KIAA1671: variants seen among roughly 807,000 people sequenced by gnomAD.
The protein encoded by KIAA1671 is KIAA1671, also known as uncharacterized protein KIAA1671.
In KIAA1671, 52 loss-of-function variants were observed where a neutral mutation model predicts 131.2. That is an observed-to-expected ratio of 0.40 (90% CI 0.32 to 0.50). KIAA1671 has a LOEUF of 0.50. Ranked by LOEUF, KIAA1671 falls within the 20% of genes least tolerant of loss-of-function variation. The pLI is 0.73. For missense variants in KIAA1671, 2,360 were observed against 2,364.2 expected (o/e 1.00, Z 0.04); for synonymous variants, 1,003 against 961.6 (o/e 1.04, Z -0.80).
At chr22:25,190,874 C>A in intron 12 of KIAA1671, 90 bp downstream of exon 12, 2 of 859,346 alleles carry the variant, frequency 2.3e-6, no homozygotes, top group Non-Finnish European at 3.8e-6. Flanking sequence ...GAGACTGGGG[C>A]TGTTGTACCC....
intron 1 of KIAA1671, among the ~76,000 whole-genome samples, chr22:24,961,595 A>T (rs2123798711): frequency 6.6e-6 from 1 of 152,340 alleles, no homozygotes; most frequent in Non-Finnish European, 1.5e-5. Context: ...CACAGGCTGA[A>T]GGGTGGCAGC....
At chr22:25,004,382 T>C in intron 1 of KIAA1671, among the ~76,000 whole-genome samples, 1 of 152,144 alleles carries the variant, frequency 6.6e-6, no homozygotes, top group Non-Finnish European at 1.5e-5. Flanking sequence ...AGCGCTGGGA[T>C]TACAGGAGTG....
At position 25,068,765 on chromosome 22, in the gene KIAA1671, G is replaced by A. The variant is rs554987822; in HGVS notation, c.4530+19401G>A. Among the ~76,000 whole-genome samples, 4 of 152,258 alleles carry A rather than the reference G, an allele frequency of 2.6e-5. No homozygotes were observed. In the South Asian group the frequency reaches 8.3e-4, roughly 32 times the overall value. ...CTCTCCTTATTTAAGTGAGTTTCCTGTTAGATGCTCTGCCTGGTGTCCAGT... is the reference window on the plus strand; with the variant it reads ...CTCTCCTTATTTAAGTGAGTTTCCTATTAGATGCTCTGCCTGGTGTCCAGT... On this transcript the variant is annotated intron_variant, in intron 6 of 12. Transcript: ENST00000358431.
intron 1 of KIAA1671, chr22:25,010,479 C>T (rs1260897801): frequency 6.6e-6 from 1 of 152,210 alleles, no homozygotes; most frequent in Non-Finnish European, 1.5e-5. Flanking sequence ...CCGCGCCTGG[C>T]CTCTATTTGC....
chr22:25,048,875 T>A, intron 5 of KIAA1671: 1 of 176,480 alleles, frequency 5.7e-6, no homozygotes, highest in South Asian at 1.5e-4. Flanking sequence ...GCCCAGGACT[T>A]GTGCACGTCT....
chr22:25,133,131 G>C (rs1049863271), intron 6 of KIAA1671, among the ~76,000 whole-genome samples: 1 of 151,694 alleles, frequency 6.6e-6, no homozygotes, highest in African/African-American at 2.4e-5. Context: ...TTTAATGCAG[G>C]ACTTTTCAGA....
At chr22:25,093,681 C>T (rs1014400195) in intron 6 of KIAA1671, among the ~76,000 whole-genome samples, 21 of 82,846 alleles carry the variant, frequency 2.5e-4, no homozygotes, top group Admixed American at 3.9e-4. Flanking sequence ...CCCTGCCCCC[C>T]GACACACACA....
chr22:25,068,332 C>T (rs975940550), intron 6 of KIAA1671, among the ~76,000 whole-genome samples: 10 of 152,220 alleles, frequency 6.6e-5, no homozygotes, highest in African/African-American at 1.2e-4. Flanking sequence ...GGGAGTGGGG[C>T]GCTGAGAATC....
At chr22:25,076,371 G>T (rs1292804805) in intron 6 of KIAA1671, among the ~76,000 whole-genome samples, 1 of 152,132 alleles carries the variant, frequency 6.6e-6, no homozygotes, top group Non-Finnish European at 1.5e-5. Context: ...TCCTGTGTCA[G>T]CTTCTTAGAA....
chr22:25,051,510 A>G (rs958682667), intron 6 of KIAA1671: 2 of 152,278 alleles, frequency 1.3e-5, no homozygotes, highest in Non-Finnish European at 2.9e-5. Context: ...TCTCAACTGC[A>G]GTGGTAGCTT....
intron 6 of KIAA1671, among the ~76,000 whole-genome samples, chr22:25,087,605 A>AAAC (rs1043143980): frequency 6.6e-6 from 1 of 152,106 alleles, no homozygotes; most frequent in Admixed American, 6.5e-5. Context: ...CCAACCAACC[A>AAAC]AACAACAACA....
chr22:25,001,237 A>ATGTG (rs138205947), intron 1 of KIAA1671, among the ~76,000 whole-genome samples: 1 of 112,674 alleles, frequency 8.9e-6, no homozygotes, highest in Non-Finnish European at 2.0e-5. Flanking sequence ...GTGTGTGTAT[A>ATGTG]TGTGTGTGTG....
Position 25,041,231 on chromosome 22 carries a change from C to A in KIAA1671, c.4101C>A (p.Pro1367=), listed in dbSNP as rs2035980809. Reference sequence around the variant, plus strand: ...GGGTCAGGGTGTCACCCAAATCGCCCCCCACTGACCAGAAGAAAGGGACCC... The same window carrying A: ...GGGTCAGGGTGTCACCCAAATCGCCACCCACTGACCAGAAGAAAGGGACCC... ...GSGVRVSPKS[P]PTDQKKGTPR... The change falls in exon 5 of 13, where the codon CCC becomes CCA. Residue 1367 remains proline (P), a synonymous_variant. Transcript: ENST00000358431. The A allele has an allele frequency of 1.3e-6, 2 of 1,551,730 alleles. No individual in the cohort carries two copies.
At chr22:24,971,726 T>G (rs75733262) in intron 1 of KIAA1671, among the ~76,000 whole-genome samples, 2,174 of 152,044 alleles carry the variant, frequency 0.014, 51 homozygotes, top group African/African-American at 0.048. Context: ...GGTATTTTTT[T>G]GGGGGGGTCG....
At position 25,007,060 on chromosome 22, in the gene KIAA1671, G is replaced by A. The variant is rs373784478; in HGVS notation, c.-207-18573G>A. ...TTATGCCTCTGAGCCTCACACTGCT[G>A]TGGTCACCATCTGTGGCCATGCCTG... On this transcript the variant is annotated intron_variant, in intron 1 of 12. Coordinates refer to ENST00000358431, the MANE Select transcript of KIAA1671 (RefSeq NM_001145206.2). Among the ~76,000 whole-genome samples the A allele has an allele frequency of 7.9e-5, 12 of 152,226 alleles. No individual in the cohort carries two copies. The South Asian group carries it at 1.5e-3, about 18-fold the overall frequency.
chr22:24,971,774 G>T (rs138953629), intron 1 of KIAA1671, among the ~76,000 whole-genome samples: 13 of 152,170 alleles, frequency 8.5e-5, no homozygotes, highest in Admixed American at 7.2e-4. Flanking sequence ...GTAGGTAGAG[G>T]GTTGGGGGGT....
At chr22:25,049,390 G>A in intron 6 of KIAA1671, 26 bp downstream of exon 6, 1 of 1,541,856 alleles carries the variant, frequency 6.5e-7, no homozygotes, top group Non-Finnish European at 8.8e-7. Flanking sequence ...TGGCTGGAGA[G>A]GATTGCACAG....
At position 25,040,830 on chromosome 22, in the gene KIAA1671, C is replaced by T. The variant is rs1483946333; in HGVS notation, c.3700C>T (p.Arg1234Trp). ...CACCGTGGAGCCCAGTACGTTGCCTCGGGAGAGGCCTGTTCAGCTGGGCGG... is the reference window on the plus strand; with the variant it reads ...CACCGTGGAGCCCAGTACGTTGCCTTGGGAGAGGCCTGTTCAGCTGGGCGG... ...SPTVEPSTLP[R>W]ERPVQLGGVE... The change falls in exon 5 of 13, where the codon CGG becomes TGG. Residue 1234 changes from arginine (R) to tryptophan (W), a missense_variant. By Grantham distance (101) the Arg-to-Trp change is moderately radical (BLOSUM62 -3). Coordinates refer to ENST00000358431, the MANE Select transcript of KIAA1671 (RefSeq NM_001145206.2). The T allele has an allele frequency of 2.4e-5, 37 of 1,551,290 alleles. No homozygotes were observed. The highest frequency in any genetic ancestry group is 1.5e-4 in the East Asian group (6 of 40,918).
intron 1 of KIAA1671, among the ~76,000 whole-genome samples, chr22:24,982,123 CTTATG>C (rs1052132487): frequency 2.0e-5 from 3 of 148,682 alleles, no homozygotes; most frequent in African/African-American, 7.3e-5. Context: ...CTTTTTACTT[CTTATG>C]TTATTATTCC....
Sources: allele counts gnomAD v4.1 joint callset (sites outside exome capture counted in the v4.1 genomes callset), GRCh38; gene constraint gnomAD v4.1.1; transcripts MANE v1.5; gene names NCBI Gene and HGNC (gene_info 2026-07-23, HGNC 2026-07-21).